Variants in DGKH observed in about 807,000 individuals in gnomAD.
DGKH encodes the protein DAG kinase eta.
DGKH carries 90 observed loss-of-function variants against 159.3 expected under a neutral mutation model. That is an observed-to-expected ratio of 0.57 (90% CI 0.48 to 0.67). The LOEUF (loss-of-function observed/expected upper bound fraction) is 0.67, where lower values mean the gene tolerates loss of function less well. DGKH is among the 30% of genes least tolerant of loss of function. The pLI is 0.00. For missense variants in DGKH, 1,181 were observed against 1,506.1 expected (o/e 0.78, Z 3.57); for synonymous variants, 536 against 553.8 (o/e 0.97, Z 0.45).
intron 1 of DGKH, among the ~76,000 whole-genome samples, chr13:42,084,315 T>C (rs1449164025): frequency 1.3e-5 from 2 of 152,196 alleles, no homozygotes; most frequent in Admixed American, 6.5e-5. Flanking sequence ...GTTCATTTTA[T>C]TGCTGTCCAA....
At chr13:42,110,008 C>T (rs1954832330) in intron 1 of DGKH, among the ~76,000 whole-genome samples, 1 of 152,114 alleles carries the variant, frequency 6.6e-6, no homozygotes, top group Admixed American at 6.5e-5. Flanking sequence ...AGAGAACTGA[C>T]AGATTTCTAA....
intron 17 of DGKH, among the ~76,000 whole-genome samples, chr13:42,195,297 G>A (rs996502252): frequency 4.0e-5 from 6 of 151,624 alleles, no homozygotes; most frequent in African/African-American, 1.5e-4. Flanking sequence ...TCAGGAGTTC[G>A]AGACAAGCCT....
intron 1 of DGKH, among the ~76,000 whole-genome samples, chr13:42,049,707 T>G (rs1435067433): frequency 6.6e-6 from 1 of 152,194 alleles, no homozygotes. Flanking sequence ...TTTTTAATAA[T>G]GAGAAGTTAC....
At chr13:42,047,706 T>C (rs1880891491), upstream of DGKH, among the ~76,000 whole-genome samples, 1 of 152,156 alleles carries the variant, frequency 6.6e-6, no homozygotes. Context: ...AGCCTGTTGA[T>C]CCCACTTCCT....
chr13:42,104,978 A>G (rs1954719521), intron 1 of DGKH, among the ~76,000 whole-genome samples: 1 of 151,970 alleles, frequency 6.6e-6, no homozygotes, highest in Admixed American at 6.6e-5. Context: ...TTGGCCTTCT[A>G]AAACAACTTG....
chr13:42,179,869 G>A (rs1425029379), intron 13 of DGKH, among the ~76,000 whole-genome samples: 1 of 151,876 alleles, frequency 6.6e-6, no homozygotes, highest in Non-Finnish European at 1.5e-5. Flanking sequence ...AGAATGATAG[G>A]GAGAAAAAGG....
rs753415006 is a variant in DGKH, at chr13:42,242,426, T to A, written c.*13238T>A. On this transcript the variant is annotated 3_prime_UTR_variant, in exon 30 of 30. Transcript: ENST00000337343. ...AGAAAAGAGTGAAACTTTTAACTGC[T>A]TAGCACACTTGCCAGTGAAATATAC... The A allele has an allele frequency of 1.5e-4, 23 of 152,222 alleles. No individual in the cohort carries two copies. The highest frequency in any genetic ancestry group is 3.1e-4 in the Non-Finnish European group (21 of 68,044). The allele number at this position is 152,222 out of a possible 1,614,324, so 9.4% of individuals were successfully genotyped here. A position where few individuals can be genotyped will look rare whatever the true frequency, so the allele number is the denominator to read the frequency against.
At chr13:42,224,847 C>T (rs1958077965) in intron 29 of DGKH, among the ~76,000 whole-genome samples, 1 of 151,434 alleles carries the variant, frequency 6.6e-6, no homozygotes, top group Non-Finnish European at 1.5e-5. Flanking sequence ...TCCCATATCA[C>T]CAAAACAACT....
chr13:42,194,792 T>G, intron 16 of DGKH, 93 bp from the exon 17 acceptor site: 1 of 1,390,816 alleles, frequency 7.2e-7, no homozygotes, highest in Admixed American at 2.5e-5. Flanking sequence ...ACTGATTGAT[T>G]TAAACATTAT....
At chr13:42,063,596 G>A (rs1882340048) in intron 1 of DGKH, among the ~76,000 whole-genome samples, 1 of 152,140 alleles carries the variant, frequency 6.6e-6, no homozygotes. Context: ...AGGGATGCTG[G>A]GGTCAAGCTA....
rs763716010 is a variant in DGKH, at chr13:42,048,798, C to T, written c.25C>T (p.His9Tyr). Residue 9 changes from histidine (H) to tyrosine (Y), a missense_variant, in exon 1 of 30, where the codon CAC becomes TAC. Physicochemically the swap from His to Tyr is moderately conservative, Grantham distance 83. Around this residue, in one of 5 missense-constraint regions of DGKH, gnomAD observed 136 missense variants for 132.2 expected, o/e 1.03. Transcript: ENST00000337343. This position sits in a 1 kb window ranked among gnomAD's most constrained non-coding sequence, Gnocchi z 6.7. ...GATGGCAGGGGCCGGAGGCCAGCAC[C>T]ACCCTCCGGGCGCCGCTGGAGGAGC... is the stretch of plus-strand genomic sequence containing the variant. MAGAGGQH[H>Y]PPGAAGGAAA... is the part of the protein sequence containing the mutation. 7.6e-7 allele frequency: 1 copy of T among 1,315,900 alleles called. No individual in the cohort carries two copies. The highest frequency in any genetic ancestry group is 9.7e-7 in the Non-Finnish European group (1 of 1,028,636). 81.5% of individuals were successfully genotyped at this position (1,315,900 alleles called of 1,614,324 possible).
chr13:42,116,998 A>C (rs913836276), intron 1 of DGKH, among the ~76,000 whole-genome samples: 1 of 152,196 alleles, frequency 6.6e-6, no homozygotes, highest in African/African-American at 2.4e-5. Context: ...GTTGGAGTCT[A>C]TATGGCTTTA....
chr13:42,107,209 TGA>T (rs1954777046), intron 1 of DGKH, among the ~76,000 whole-genome samples: 15 of 152,152 alleles, frequency 9.9e-5, no homozygotes, highest in Admixed American at 8.5e-4. Context: ...CATTTAAGGG[TGA>T]GTCACGAGAG....
At chr13:42,145,471 C>G (rs1955701503) in intron 3 of DGKH, among the ~76,000 whole-genome samples, 1 of 152,114 alleles carries the variant, frequency 6.6e-6, no homozygotes, top group African/African-American at 2.4e-5. Flanking sequence ...TGTCAGGATG[C>G]TCTCGGAACC....
At chr13:42,046,383 TA>T (rs1296082207), upstream of DGKH, among the ~76,000 whole-genome samples, 1 of 152,210 alleles carries the variant, frequency 6.6e-6, no homozygotes, top group Non-Finnish European at 1.5e-5. Flanking sequence ...ATATTCATTC[TA>T]AAAACTTCTA....
intron 21 of DGKH, among the ~76,000 whole-genome samples, chr13:42,206,667 C>G (rs982371331): frequency 4.6e-5 from 7 of 152,018 alleles, no homozygotes; most frequent in African/African-American, 1.2e-4. Flanking sequence ...TGGAGCGTCT[C>G]GAGGCTGCCC....
intron 29 of DGKH, among the ~76,000 whole-genome samples, chr13:42,222,608 G>A (rs1289149121): frequency 6.6e-6 from 1 of 152,046 alleles, no homozygotes; most frequent in African/African-American, 2.4e-5. Flanking sequence ...AAATGTAGGG[G>A]GGATCATGAT....
At chr13:42,062,038 T>C (rs927010522) in intron 1 of DGKH, among the ~76,000 whole-genome samples, 1 of 150,758 alleles carries the variant, frequency 6.6e-6, no homozygotes, top group African/African-American at 2.4e-5. Context: ...TTGACCAGGA[T>C]AGACTCTCTT....
At chr13:42,085,203 A>G (rs980537350) in intron 1 of DGKH, among the ~76,000 whole-genome samples, 2 of 152,184 alleles carry the variant, frequency 1.3e-5, no homozygotes, top group Non-Finnish European at 2.9e-5. Context: ...TTTATAGGGC[A>G]TGCGAAACCT....
Sources: gnomAD v4.1 joint callset for allele counts (sites outside exome capture counted in the v4.1 genomes callset) on GRCh38, gnomAD v4.1.1 for gene constraint, gnomAD v4.1.1 regional missense constraint, Gnocchi (gnomAD v3.1) non-coding constraint, MANE v1.5 for transcripts, NCBI Gene and HGNC (gene_info 2026-07-23, HGNC 2026-07-21) for gene names.